The following PPARGC1A variants were observed in gnomAD, a reference collection of about 807,000 sequenced individuals.
PPARGC1A encodes the protein PPARG coactivator 1 alpha.
A neutral mutation model predicts 88.7 loss-of-function variants in PPARGC1A; 25 were observed. The ratio of observed to expected loss-of-function variants is 0.28; its 90% confidence interval spans 0.21 to 0.39. PPARGC1A has a LOEUF of 0.39. Ranked by LOEUF, PPARGC1A falls within the 10% of genes least tolerant of loss-of-function variation. PPARGC1A has a pLI of 1.00. For synonymous variants in PPARGC1A, 363 were observed against 355.6 expected, an observed-to-expected ratio of 1.02 and a Z score of -0.24; for missense variants, 880 against 968.7, an observed-to-expected ratio of 0.91 and a Z score of 1.22.
the PPARGC1A span, among the ~76,000 whole-genome samples, chr4:24,177,871 T>A: frequency 5.7e-4 from 87 of 152,192 alleles, no homozygotes; most frequent in African/African-American, 2.0e-3. Flanking sequence ...AGGATAGAAC[T>A]ATGGAATGAG....
At chr4:24,092,164 T>G in the PPARGC1A span, among the ~76,000 whole-genome samples, 13 of 152,284 alleles carry the variant, frequency 8.5e-5, no homozygotes, top group East Asian at 2.5e-3. Flanking sequence ...TTCCCATAGT[T>G]GAATTCTGAG....
chr4:24,220,982 T>C, the PPARGC1A span, among the ~76,000 whole-genome samples: 1 of 151,858 alleles, frequency 6.6e-6, no homozygotes, highest in African/African-American at 2.4e-5. Flanking sequence ...CGTAACAAGA[T>C]GGTGGGGAAA....
the PPARGC1A span, among the ~76,000 whole-genome samples, chr4:24,147,964 A>AAAC: frequency 6.6e-6 from 1 of 152,066 alleles, no homozygotes; most frequent in Non-Finnish European, 1.5e-5. Flanking sequence ...AACAAACAAA[A>AAAC]AAAATACAGA....
the PPARGC1A span, among the ~76,000 whole-genome samples, chr4:24,183,238 C>T: frequency 6.6e-6 from 1 of 152,168 alleles, no homozygotes; most frequent in Non-Finnish European, 1.5e-5. Flanking sequence ...CTGCTCTAAG[C>T]ACCCTATATA....
chr4:24,019,413 T>C, the PPARGC1A span, among the ~76,000 whole-genome samples: 1 of 152,220 alleles, frequency 6.6e-6, no homozygotes, highest in Non-Finnish European at 1.5e-5. Context: ...TGACAAGTAA[T>C]TTGTCTTAGG....
At chr4:24,277,579 T>C in the PPARGC1A span, among the ~76,000 whole-genome samples, 7 of 152,116 alleles carry the variant, frequency 4.6e-5, no homozygotes, top group African/African-American at 1.7e-4. Flanking sequence ...TATTGATTAT[T>C]ACCTATAAAT....
chr4:24,106,450 CT>C, the PPARGC1A span, among the ~76,000 whole-genome samples: 17 of 152,296 alleles, frequency 1.1e-4, 1 homozygote, highest in Admixed American at 1.0e-3. Context: ...CTTTGAGCAC[CT>C]TCAAGTAGCA....
chr4:23,914,382 T>C, the PPARGC1A span, among the ~76,000 whole-genome samples: 1 of 152,216 alleles, frequency 6.6e-6, no homozygotes, highest in African/African-American at 2.4e-5. Flanking sequence ...TAAAATACAC[T>C]GTTGGGCAGC....
the PPARGC1A span, among the ~76,000 whole-genome samples, chr4:24,225,313 T>C: frequency 1.3e-5 from 2 of 152,142 alleles, no homozygotes; most frequent in Non-Finnish European, 2.9e-5. Context: ...CTCACGCCTC[T>C]AATCCCTGCA....
At chr4:23,987,235 C>T in the PPARGC1A span, among the ~76,000 whole-genome samples, 1 of 152,080 alleles carries the variant, frequency 6.6e-6, no homozygotes, top group African/African-American at 2.4e-5. Flanking sequence ...TCTGGAAGCC[C>T]TGCATTTCAG....
At chr4:24,159,295 C>T in the PPARGC1A span, among the ~76,000 whole-genome samples, 1 of 143,110 alleles carries the variant, frequency 7.0e-6, no homozygotes, top group Non-Finnish European at 1.5e-5. Context: ...ACTGCAACTT[C>T]CGCCTCCTGG....
chr4:23,842,761 G>C (rs1727289162), intron 2 of PPARGC1A, among the ~76,000 whole-genome samples: 1 of 152,080 alleles, frequency 6.6e-6, no homozygotes, highest in Non-Finnish European at 1.5e-5. Flanking sequence ...GTAGAGCCTA[G>C]GATTCTGTAA....
At chr4:23,994,933 C>T in the PPARGC1A span, among the ~76,000 whole-genome samples, 1 of 152,142 alleles carries the variant, frequency 6.6e-6, no homozygotes, top group Non-Finnish European at 1.5e-5. Flanking sequence ...TGTTTACCAA[C>T]TCACTGCATG....
chr4:24,166,303 T>G, the PPARGC1A span, among the ~76,000 whole-genome samples: 1 of 152,206 alleles, frequency 6.6e-6, no homozygotes, highest in Admixed American at 6.5e-5. Flanking sequence ...AGAAGTCATC[T>G]CCATAATGTA....
At chr4:24,148,341 T>C in the PPARGC1A span, among the ~76,000 whole-genome samples, 1 of 152,182 alleles carries the variant, frequency 6.6e-6, no homozygotes, top group Admixed American at 6.6e-5. Flanking sequence ...CCTTCCTTCA[T>C]GGTCCTGCTC....
At chr4:24,096,895 T>C in the PPARGC1A span, among the ~76,000 whole-genome samples, 1 of 152,138 alleles carries the variant, frequency 6.6e-6, no homozygotes, top group African/African-American at 2.4e-5. Context: ...CATCAGTCAG[T>C]CCTCCCTGAT....
At chr4:24,238,568 A>C in the PPARGC1A span, among the ~76,000 whole-genome samples, 1 of 152,192 alleles carries the variant, frequency 6.6e-6, no homozygotes, top group African/African-American at 2.4e-5. Context: ...ACAGCATTGC[A>C]GCACTCCTGT....
the PPARGC1A span, among the ~76,000 whole-genome samples, chr4:23,948,207 G>A: frequency 6.6e-6 from 1 of 152,152 alleles, no homozygotes; most frequent in Non-Finnish European, 1.5e-5. Flanking sequence ...TGGGATACAT[G>A]ATGAATAAAA....
At chr4:24,149,677 T>TG in the PPARGC1A span, among the ~76,000 whole-genome samples, 1 of 152,172 alleles carries the variant, frequency 6.6e-6, no homozygotes, top group Non-Finnish European at 1.5e-5. Context: ...GTTCCTAAAA[T>TG]GGACTTGCAA....
Sources: gnomAD v4.1 joint callset for allele counts (sites outside exome capture counted in the v4.1 genomes callset) on GRCh38, gnomAD v4.1.1 for gene constraint, MANE v1.5 for transcripts, NCBI Gene and HGNC (gene_info 2026-07-23, HGNC 2026-07-21) for gene names.